The following PPIG variants were observed in gnomAD, a reference collection of about 807,000 sequenced individuals.
PPIG encodes the protein peptidyl-prolyl cis-trans isomerase G.
A neutral mutation model predicts 87.9 loss-of-function variants in PPIG; 26 were observed. The ratio of observed to expected loss-of-function variants is 0.30; its 90% CI spans 0.22 to 0.41. The LOEUF (loss-of-function observed/expected upper bound fraction) is 0.41. Among genes scored for constraint, PPIG ranks in the 10% least tolerant of loss-of-function variants. The pLI is 1.00. For missense variants in PPIG, 722 were observed against 879.4 expected, an observed-to-expected ratio of 0.82 and a Z score of 2.26; for synonymous variants, 308 against 276.5, an observed-to-expected ratio of 1.11 and a Z score of -1.13.
In PPIG at chr2:169,614,876, T is replaced by G. The variant is rs556648878; in HGVS notation, c.547+152T>G. ...TTCTGTGCTTTTATTTTTTACTTTT[T>G]TAAGTTGACAAAACTTGTGTATACT... On this transcript the variant is annotated intron_variant, in intron 9 of 13. Transcript: ENST00000260970. 11 of 929,636 alleles carry G rather than the reference T, an allele frequency of 1.2e-5. No individual in the cohort carries two copies. The Admixed American group carries it at 3.5e-4, about 29-fold the overall frequency. 57.6% of individuals were successfully genotyped at this position (929,636 alleles called of 1,614,324 possible).
intron 9 of PPIG, among the ~76,000 whole-genome samples, chr2:169,624,041 ACTGCAAC>A (rs1265231407): frequency 6.6e-6 from 1 of 152,120 alleles, no homozygotes; most frequent in Non-Finnish European, 1.5e-5. Context: ...GTCATAGTTC[ACTGCAAC>A]CTCGAACTCC....
chr2:169,604,711 T>G (rs773649760), intron 4 of PPIG, among the ~76,000 whole-genome samples: 1 of 150,242 alleles, frequency 6.7e-6, no homozygotes, highest in Non-Finnish European at 1.5e-5. Flanking sequence ...CCATCTCTAC[T>G]AAAAATACAA....
intron 9 of PPIG, among the ~76,000 whole-genome samples, chr2:169,627,273 AT>A (rs1253775400): frequency 6.8e-6 from 1 of 147,880 alleles, no homozygotes; most frequent in Non-Finnish European, 1.5e-5. Context: ...TAATTTTTGT[AT>A]TTTTAGTAGA....
intron 1 of PPIG, chr2:169,584,739 C>G: frequency 3.2e-6 from 1 of 311,456 alleles, no homozygotes; most frequent in Non-Finnish European, 6.2e-6. Context: ...GACGGTCCTT[C>G]CTCTGCCAGC....
intron 9 of PPIG, among the ~76,000 whole-genome samples, chr2:169,621,265 C>G (rs771883405): frequency 1.1e-4 from 17 of 151,846 alleles, no homozygotes; most frequent in Middle Eastern, 3.4e-3. Flanking sequence ...CCGAGATGGG[C>G]ATGGAGAAGG....
At chr2:169,592,007 A>G (rs2245106) in intron 1 of PPIG, among the ~76,000 whole-genome samples, 58,039 of 141,216 alleles carry the variant, frequency 0.41, 12,282 homozygotes, top group East Asian at 0.6. Context: ...GCTCGCTGCA[A>G]CCTCAACTTC....
At chr2:169,604,309 G>GGCTT (rs750267430) in intron 4 of PPIG, 48 bp downstream of exon 4, 1 of 1,103,754 alleles carries the variant, frequency 9.1e-7, no homozygotes, top group Non-Finnish European at 1.3e-6. Flanking sequence ...AGTTGACTAT[G>GGCTT]GCTTGCTTGC....
At chr2:169,628,858 A>T (rs572557084) in intron 9 of PPIG, among the ~76,000 whole-genome samples, 35 of 149,738 alleles carry the variant, frequency 2.3e-4, no homozygotes, top group African/African-American at 7.6e-4. Context: ...AGACAGAAGT[A>T]TCACTTGAGC....
intron 5 of PPIG, 64 bp downstream of exon 5, chr2:169,606,210 G>A: frequency 8.3e-7 from 1 of 1,206,820 alleles, no homozygotes. Flanking sequence ...AGTTAGACAA[G>A]TCCCTAGAAG....
chr2:169,629,031 A>G (rs1685971041), intron 9 of PPIG, among the ~76,000 whole-genome samples: 1 of 151,976 alleles, frequency 6.6e-6, no homozygotes, highest in Admixed American at 6.6e-5. Context: ...GTGGGGCTAA[A>G]GGAAAGGTCA....
intron 7 of PPIG, among the ~76,000 whole-genome samples, chr2:169,611,676 GTAT>G (rs1427039388): frequency 1.3e-5 from 2 of 152,084 alleles, no homozygotes; most frequent in Admixed American, 6.6e-5. Flanking sequence ...TCTCAACAGA[GTAT>G]TATAATTTAT....
At position 169,639,293 on chromosome 2, in the gene PPIG, A is replaced by G. The variant is rs1033620730; in HGVS notation, c.*1770A>G. ...CTGAGTGCCCAAGCTATATAACGTT[A>G]TGTAGTTTAAGCAAGTTATTGTTTG... On this transcript the variant is annotated 3_prime_UTR_variant, in exon 14 of 14. Transcript: ENST00000260970. The G allele has an allele frequency of 3.9e-5, 6 of 152,074 alleles. No homozygotes were observed. Among genetic ancestry groups the G allele is most frequent in the African/African-American group, 1.4e-4 (6 of 41,440 alleles). 9.4% of individuals were successfully genotyped at this position (152,074 alleles called of 1,614,324 possible).
chr2:169,593,094 C>T (rs900769195), intron 1 of PPIG, among the ~76,000 whole-genome samples: 1 of 151,740 alleles, frequency 6.6e-6, no homozygotes, highest in Non-Finnish European at 1.5e-5. Flanking sequence ...CATTTCCACA[C>T]ATGTACATTA....
At chr2:169,622,014 G>T (rs753800100) in intron 9 of PPIG, among the ~76,000 whole-genome samples, 15 of 152,172 alleles carry the variant, frequency 9.9e-5, no homozygotes, top group Admixed American at 1.3e-4. Flanking sequence ...TTGAGCCCAG[G>T]AGTTGAAGGC....
intron 9 of PPIG, among the ~76,000 whole-genome samples, chr2:169,619,983 G>T (rs7607255): frequency 6.6e-6 from 1 of 152,178 alleles, no homozygotes. Flanking sequence ...ATATTAACCC[G>T]TTGTCAGATG....
chr2:169,617,657 C>G (rs1484570061), intron 9 of PPIG, among the ~76,000 whole-genome samples: 1 of 151,778 alleles, frequency 6.6e-6, no homozygotes, highest in African/African-American at 2.4e-5. Context: ...GACTCTCTGT[C>G]TGTTATTGGT....
Position 169,604,169 on chromosome 2 carries a change from A to T in PPIG, c.62-18A>T. 6.2e-7 allele frequency: 1 copy of T among 1,611,140 alleles called. No homozygotes were observed. The highest frequency in any genetic ancestry group is 8.5e-7 in the Non-Finnish European group (1 of 1,177,426). On this transcript the variant is annotated intron_variant, in intron 3 of 13. Coordinates refer to ENST00000260970, the MANE Select transcript of PPIG (RefSeq NM_004792.3). Reference sequence around the variant, plus strand: ...TTTAAATTAGTAAAGAAGTTTAACCAACTACCTTCTTTTTCAGCTGGAAGA... The same window carrying T: ...TTTAAATTAGTAAAGAAGTTTAACCTACTACCTTCTTTTTCAGCTGGAAGA...
rs753809221 is a variant in PPIG at position 169,631,915 on chromosome 2, G to A, written c.911G>A (p.Arg304Lys). 6.2e-7 allele frequency: 1 copy of A among 1,601,256 alleles called. No homozygotes were observed. Among genetic ancestry groups the A allele is most frequent in the East Asian group, 2.2e-5 (1 of 44,706 alleles). Residue 304 changes from arginine to lysine, a missense_variant, in exon 11 of 14, where the codon AGA (arginine) becomes AAA (lysine). Arg to Lys is a conservative substitution (Grantham distance 26). Coordinates refer to ENST00000260970, the MANE Select transcript of PPIG (RefSeq NM_004792.3). ...ADEKERKNRE[R>K]ERERECNPPN... ...GAGAAGGAAAGGAAAAACAGAGAGA[G>A]AGAAAGGGAAAGAGAGTGGTATGTG...
Position 169,614,738 on chromosome 2 carries a change from A to G in PPIG, c.547+14A>G. ...CCAAATCTAAAGGTAAAAAGGAAGT[A>G]CATATTTCTGAGAATACTTACACAT... On this transcript the variant is annotated intron_variant, in intron 9 of 13. Coordinates refer to ENST00000260970, the MANE Select transcript of PPIG (RefSeq NM_004792.3). 1.3e-6 allele frequency: 2 copies of G among 1,589,320 alleles called. No individual in the cohort carries two copies. Among genetic ancestry groups the G allele is most frequent in the South Asian group, 2.3e-5 (2 of 85,870 alleles).
Sources: allele counts gnomAD v4.1 joint callset (sites outside exome capture counted in the v4.1 genomes callset), GRCh38; gene constraint gnomAD v4.1.1; transcripts MANE v1.5; gene names NCBI Gene and HGNC (gene_info 2026-07-23, HGNC 2026-07-21).